Variants in SYN2 observed in about 807,000 individuals in gnomAD.
The protein encoded by SYN2 is synapsin II.
SYN2 carries 19 observed loss-of-function variants against 50.9 expected under a neutral mutation model. The observed-to-expected ratio is 0.37, with a 90% confidence interval of 0.26 to 0.55. SYN2 has a LOEUF of 0.55. Ranked by LOEUF, SYN2 falls within the 20% of genes least tolerant of loss-of-function variation. The pLI is 0.81. For synonymous variants in SYN2, 255 were observed against 224.9 expected (o/e 1.13, Z -1.20); for missense variants, 587 against 576.4 (o/e 1.02, Z -0.19).
At chr3:12,010,140 C>T (rs1042776142) in intron 1 of SYN2, among the ~76,000 whole-genome samples, 2 of 152,110 alleles carry the variant, frequency 1.3e-5, no homozygotes, top group Non-Finnish European at 2.9e-5. Context: ...CTCTTGGAGA[C>T]CTAGTCGTCA....
At position 12,131,623 on chromosome 3, in the gene SYN2, G is replaced by A. The variant is rs529420097; in HGVS notation, c.378-9028G>A. 1.3e-4 allele frequency among the ~76,000 whole-genome samples: 19 copies of A among 151,068 alleles called. 1 individual carries two copies. The highest frequency in any genetic ancestry group is 2.0e-4 in the African/African-American group (8 of 40,938). On this transcript the variant is annotated intron_variant, in intron 1 of 12. Coordinates refer to ENST00000621198, the MANE Select transcript of SYN2 (RefSeq NM_133625.6). Reference sequence around the variant, plus strand: ...ACAGACAAATGCATCTAATCTTCCCGTCATGTGTTCTCCTGAGTTACAGGA... The same window carrying A: ...ACAGACAAATGCATCTAATCTTCCCATCATGTGTTCTCCTGAGTTACAGGA...
At chr3:12,015,854 T>G (rs1694019591) in intron 1 of SYN2, among the ~76,000 whole-genome samples, 1 of 152,240 alleles carries the variant, frequency 6.6e-6, no homozygotes, top group Admixed American at 6.5e-5. Context: ...TCTAGGACTG[T>G]TCTTCCATTC....
intron 1 of SYN2, among the ~76,000 whole-genome samples, chr3:12,134,104 T>A (rs1196327452): frequency 6.6e-6 from 1 of 152,192 alleles, no homozygotes; most frequent in Non-Finnish European, 1.5e-5. Flanking sequence ...TGTTGTTATG[T>A]CTGTTTTGCC....
At chr3:12,085,811 T>TCAAA (rs1488838001) in intron 1 of SYN2, among the ~76,000 whole-genome samples, 4 of 151,844 alleles carry the variant, frequency 2.6e-5, no homozygotes, top group Non-Finnish European at 4.4e-5. Flanking sequence ...AAGAAAAATC[T>TCAAA]CAAACAACCT....
chr3:12,135,267 C>G (rs1696873535), intron 1 of SYN2, among the ~76,000 whole-genome samples: 1 of 152,130 alleles, frequency 6.6e-6, no homozygotes. Flanking sequence ...GACAGGAAGG[C>G]ATGATTTTTA....
At chr3:12,024,444 ACTT>A (rs1416361180) in intron 1 of SYN2, among the ~76,000 whole-genome samples, 9 of 151,778 alleles carry the variant, frequency 5.9e-5, no homozygotes, top group African/African-American at 1.7e-4. Context: ...TTCAATCTTG[ACTT>A]CTTCTCCCTG....
chr3:12,154,122 A>G (rs308952), intron 5 of SYN2, among the ~76,000 whole-genome samples: 124,816 of 152,192 alleles, frequency 0.82, 51,823 homozygotes, highest in Middle Eastern at 0.93. Context: ...CAGTTATCTC[A>G]GTCTGCCTCC....
At chr3:12,119,201 A>G (rs1222336128) in intron 1 of SYN2, among the ~76,000 whole-genome samples, 1 of 151,460 alleles carries the variant, frequency 6.6e-6, no homozygotes, top group African/African-American at 2.4e-5. Context: ...CCTAAGTGTC[A>G]GCTATCCTTC....
chr3:12,094,108 A>C (rs541475102), intron 1 of SYN2, among the ~76,000 whole-genome samples: 1 of 152,062 alleles, frequency 6.6e-6, no homozygotes, highest in Non-Finnish European at 1.5e-5. Flanking sequence ...GCCCACCTCA[A>C]TCTCCCAAAG....
At chr3:12,122,686 T>TA (rs754340236) in intron 1 of SYN2, among the ~76,000 whole-genome samples, 22 of 152,198 alleles carry the variant, frequency 1.4e-4, no homozygotes, top group Non-Finnish European at 3.1e-4. Context: ...CACTTGGACT[T>TA]ATACTACATG....
chr3:12,182,340 A>G (rs77847770), intron 10 of SYN2, among the ~76,000 whole-genome samples: 1,628 of 152,308 alleles, frequency 0.011, 31 homozygotes, highest in African/African-American at 0.038. Flanking sequence ...GAAGCCCCTC[A>G]TTGACATCAC....
chr3:12,055,127 AAATT>A (rs149209013), intron 1 of SYN2, among the ~76,000 whole-genome samples: 5,777 of 152,136 alleles, frequency 0.038, 338 homozygotes, highest in African/African-American at 0.13. Flanking sequence ...ACATTCATAA[AAATT>A]AATATGAATA....
intron 1 of SYN2, among the ~76,000 whole-genome samples, chr3:12,106,538 A>G (rs1046140385): frequency 6.6e-6 from 1 of 152,192 alleles, no homozygotes; most frequent in African/African-American, 2.4e-5. Context: ...CTGCCACATC[A>G]TAACGTTTAG....
At chr3:12,015,271 C>T (rs1694003294) in intron 1 of SYN2, among the ~76,000 whole-genome samples, 1 of 152,186 alleles carries the variant, frequency 6.6e-6, no homozygotes. Flanking sequence ...CCATTGATTA[C>T]CTGTCATAGC....
At chr3:12,049,984 C>G (rs925736203) in intron 1 of SYN2, among the ~76,000 whole-genome samples, 1 of 152,178 alleles carries the variant, frequency 6.6e-6, no homozygotes, top group Non-Finnish European at 1.5e-5. Context: ...ACTGCAACCT[C>G]CACCTCCAGG....
intron 1 of SYN2, among the ~76,000 whole-genome samples, chr3:12,023,062 T>G (rs1694179884): frequency 1.3e-5 from 2 of 152,174 alleles, no homozygotes; most frequent in South Asian, 4.1e-4. Context: ...ATACGAGAAC[T>G]GGCAAGTAAT....
chr3:12,034,999 C>T (rs1403366835), intron 1 of SYN2, among the ~76,000 whole-genome samples: 1 of 152,160 alleles, frequency 6.6e-6, no homozygotes. Context: ...AAGTTTCTTC[C>T]AGCCGTGAGC....
chr3:12,034,824 C>A (rs1694461033), intron 1 of SYN2, among the ~76,000 whole-genome samples: 1 of 152,186 alleles, frequency 6.6e-6, no homozygotes, highest in Non-Finnish European at 1.5e-5. Flanking sequence ...CAAACCACAG[C>A]ATTCCACTCC....
At chr3:12,085,544 A>G (rs1207696913) in intron 1 of SYN2, among the ~76,000 whole-genome samples, 1 of 152,178 alleles carries the variant, frequency 6.6e-6, no homozygotes, top group Non-Finnish European at 1.5e-5. Flanking sequence ...AAGGAAACAG[A>G]AGTCATATTG....
Sources: allele counts gnomAD v4.1 joint callset (sites outside exome capture counted in the v4.1 genomes callset), GRCh38; gene constraint gnomAD v4.1.1; transcripts MANE v1.5; gene names NCBI Gene and HGNC (gene_info 2026-07-23, HGNC 2026-07-21).